CCDC85C: variants seen among roughly 807,000 people sequenced by gnomAD.
The protein encoded by CCDC85C is coiled-coil domain-containing protein 85C.
CCDC85C carries 18 observed loss-of-function variants against 38.3 expected under a neutral mutation model. The ratio of observed to expected loss-of-function variants is 0.47; its 90% CI spans 0.33 to 0.70. The LOEUF is 0.70. Ranked by LOEUF, CCDC85C falls within the 30% of genes least tolerant of loss-of-function variation. The pLI, the probability that CCDC85C is intolerant of heterozygous loss-of-function variation, is 0.03. For missense variants in CCDC85C, 566 were observed against 621.2 expected (o/e 0.91, Z 0.94); for synonymous variants, 264 against 293.8 (o/e 0.90, Z 1.04).
chr14:99,532,963 G>C (rs527454267), intron 2 of CCDC85C, among the ~76,000 whole-genome samples: 1 of 152,080 alleles, frequency 6.6e-6, no homozygotes, highest in East Asian at 1.9e-4. Context: ...TGTATTTTTA[G>C]TAGAGACGAG....
At position 99,502,956 on chromosome 14, in the gene CCDC85C, G is replaced by A. The variant is rs1896873456; in HGVS notation, c.*12290C>T. On this transcript the variant is annotated 3_prime_UTR_variant, in exon 6 of 6. Coordinates refer to ENST00000380243, the MANE Select transcript of CCDC85C (RefSeq NM_001144995.2). The stretch of plus-strand genomic sequence containing the variant: ...CCCAAGAAACCCTCTCCGCAGCCCA[G>A]TTCTCCCCGACAGGTTAAGCGAGCC... 1.2e-6 allele frequency: 2 copies of A among 1,613,930 alleles called. No individual in the cohort carries two copies. The highest frequency in any genetic ancestry group is 4.5e-5 in the East Asian group (2 of 44,862).
chr14:99,566,091 A>C (rs1248828693), intron 1 of CCDC85C, among the ~76,000 whole-genome samples: 1 of 152,204 alleles, frequency 6.6e-6, no homozygotes, highest in Non-Finnish European at 1.5e-5. Flanking sequence ...GTCACAGGAG[A>C]CTAGGGAAGG....
intron 1 of CCDC85C, among the ~76,000 whole-genome samples, chr14:99,547,702 A>G (rs1261291016): frequency 6.6e-6 from 1 of 151,792 alleles, no homozygotes; most frequent in African/African-American, 2.4e-5. Flanking sequence ...TGAACTCAGG[A>G]GGCGGAGGTT....
chr14:99,510,657 C>T lies in CCDC85C; in HGVS notation c.*4589G>A. On this transcript the variant is annotated 3_prime_UTR_variant, in exon 6 of 6. Coordinates refer to ENST00000380243, the MANE Select transcript of CCDC85C (RefSeq NM_001144995.2). ...CCCTCATCCTCCTCCAGGGTTGGGC[C>T]TGCCGCCAGCCAGCTACCCACCTCC... 18 of 1,414,460 alleles carry T rather than the reference C, an allele frequency of 1.3e-5. No individual in the cohort carries two copies. Among genetic ancestry groups the T allele is most frequent in the Non-Finnish European group, 1.7e-5 (18 of 1,085,440 alleles). The allele number at this position is 1,414,460 out of a possible 1,614,324, so 87.6% of individuals were successfully genotyped here. A position where few individuals can be genotyped will look rare whatever the true frequency, so the allele number is the denominator to read the frequency against.
At position 99,515,151 on chromosome 14, in the gene CCDC85C, CAG is replaced by C. The variant is rs545417219; in HGVS notation, c.*93_*94del. The stretch of plus-strand genomic sequence containing the variant: ...TACAGTTCACCACAGAGGAAGAAGA[CAG>C]GGGCTGGGCTGGAGGTCCTGCCCGT... On this transcript the variant is annotated 3_prime_UTR_variant, in exon 6 of 6. Transcript: ENST00000380243. 3.6e-4 allele frequency: 313 copies of C among 863,686 alleles called. 1 individual carries two copies. The highest frequency in any genetic ancestry group is 1.4e-3 in the African/African-American group (84 of 59,458). 53.5% of individuals were successfully genotyped at this position (863,686 alleles called of 1,614,324 possible).
chr14:99,525,569 G>T lies in CCDC85C; in HGVS notation c.868-3329C>A, dbSNP rs142530927. Among the ~76,000 whole-genome samples, 120 of 152,386 alleles carry T rather than the reference G, an allele frequency of 7.9e-4. 2 individuals carry two copies. In the East Asian group the frequency reaches 0.022, roughly 28 times the overall value. On this transcript the variant is annotated intron_variant, in intron 2 of 5. Transcript: ENST00000380243. Reference sequence around the variant, plus strand: ...GAGCTTTTGGGCCCTCAAATGTGCTGCATCGGTTATGTGTCCGAGAGGCAC... The same window carrying T: ...GAGCTTTTGGGCCCTCAAATGTGCTTCATCGGTTATGTGTCCGAGAGGCAC...
At chr14:99,543,948 C>G (rs1257242624) in intron 1 of CCDC85C, among the ~76,000 whole-genome samples, 1 of 152,238 alleles carries the variant, frequency 6.6e-6, no homozygotes, top group Non-Finnish European at 1.5e-5. Context: ...GCCGAGGCAG[C>G]TGGCTGCAAG....
At chr14:99,594,342 A>G (rs2055120641) in intron 1 of CCDC85C, among the ~76,000 whole-genome samples, 1 of 152,212 alleles carries the variant, frequency 6.6e-6, no homozygotes, top group South Asian at 2.1e-4. Context: ...AGAGGCAATC[A>G]GATAGGGGAG....
chr14:99,541,073 T>G (rs1897703295), intron 1 of CCDC85C, among the ~76,000 whole-genome samples: 1 of 152,174 alleles, frequency 6.6e-6, no homozygotes, highest in African/African-American at 2.4e-5. Context: ...CAGTAAGAAC[T>G]GGGGGGCCAG....
intron 1 of CCDC85C, among the ~76,000 whole-genome samples, chr14:99,537,392 G>GGACCACCATGCC (rs1897624843): frequency 6.6e-6 from 1 of 152,118 alleles, no homozygotes; most frequent in South Asian, 2.1e-4. Context: ...GGACAAGCCA[G>GGACCACCATGCC]GACCACCATG....
At chr14:99,526,910 G>A (rs1406054950) in intron 2 of CCDC85C, among the ~76,000 whole-genome samples, 1 of 152,054 alleles carries the variant, frequency 6.6e-6, no homozygotes, top group African/African-American at 2.4e-5. Context: ...GGGGCAGCTG[G>A]GGCCACAGAC....
In CCDC85C at chr14:99,511,794, C is replaced by G. The variant is rs946505407; in HGVS notation, c.*3452G>C. The G allele has an allele frequency of 1.3e-5, 2 of 152,582 alleles. No individual in the cohort carries two copies. Among genetic ancestry groups the G allele is most frequent in the Non-Finnish European group, 2.9e-5 (2 of 68,056 alleles). 9.5% of individuals were successfully genotyped at this position (152,582 alleles called of 1,614,324 possible). A position where few individuals can be genotyped will look rare whatever the true frequency, so the allele number is the denominator to read the frequency against. ...AGTTTGAAACTTTGAAGCCTTGCTG[C>G]GTAGAACGCACACAGGAACCCGGGG... On this transcript the variant is annotated 3_prime_UTR_variant, in exon 6 of 6. Transcript: ENST00000380243.
intron 2 of CCDC85C, chr14:99,534,991 C>T: frequency 2.3e-6 from 1 of 440,302 alleles, no homozygotes; most frequent in Non-Finnish European, 4.1e-6. Flanking sequence ...CCACCAGGCC[C>T]TGGGAACCTT....
At position 99,510,805 on chromosome 14, in the gene CCDC85C, G is replaced by GT. The variant is rs1897112130; in HGVS notation, c.*4440dup. ...TAACGTGAGCCTTTTTTCCCTCTTT[G>GT]TTTTTTTAACAAGATTTTCTAATCG... On this transcript the variant is annotated 3_prime_UTR_variant, in exon 6 of 6. Coordinates refer to ENST00000380243, the MANE Select transcript of CCDC85C (RefSeq NM_001144995.2). The GT allele has an allele frequency of 1.4e-6, 2 of 1,409,154 alleles. No homozygotes were observed. The highest frequency in any genetic ancestry group is 1.9e-6 in the Non-Finnish European group (2 of 1,080,930). The allele number at this position is 1,409,154 out of a possible 1,614,324, so 87.3% of individuals were successfully genotyped here. A position where few individuals can be genotyped will look rare whatever the true frequency, so the allele number is the denominator to read the frequency against.
At chr14:99,559,733 G>A (rs1208208616) in intron 1 of CCDC85C, among the ~76,000 whole-genome samples, 1 of 152,210 alleles carries the variant, frequency 6.6e-6, no homozygotes, top group Non-Finnish European at 1.5e-5. Context: ...CCCGCTTGCA[G>A]GGTTGTGATG....
intron 2 of CCDC85C, among the ~76,000 whole-genome samples, chr14:99,526,614 G>T (rs1897389725): frequency 6.6e-6 from 1 of 152,114 alleles, no homozygotes; most frequent in African/African-American, 2.4e-5. Flanking sequence ...TGGGGGCAAG[G>T]CCAGGGCCCA....
intron 1 of CCDC85C, among the ~76,000 whole-genome samples, chr14:99,599,222 C>T (rs1254525618): frequency 3.3e-5 from 5 of 152,154 alleles, no homozygotes; most frequent in Non-Finnish European, 7.3e-5. Flanking sequence ...AAACCTGTCT[C>T]ATTTTGAGAA....
chr14:99,571,670 T>C (rs1007171697), intron 1 of CCDC85C, among the ~76,000 whole-genome samples: 2 of 152,240 alleles, frequency 1.3e-5, no homozygotes, highest in African/African-American at 4.8e-5. Flanking sequence ...CAGTAAGATT[T>C]ACGATGCCAG....
At position 99,545,771 on chromosome 14, in the gene CCDC85C, C is replaced by A. The variant is rs1303809710; in HGVS notation, c.794-9683G>T. Among the ~76,000 whole-genome samples, 1 of 152,162 alleles carries A rather than the reference C, an allele frequency of 6.6e-6. No homozygotes were observed. The highest frequency in any genetic ancestry group is 1.5e-5 in the Non-Finnish European group (1 of 68,034). On this transcript the variant is annotated intron_variant, in intron 1 of 5. Transcript: ENST00000380243. This position sits in a 1 kb window ranked among gnomAD's most constrained non-coding sequence, Gnocchi z 4.7. ...GCATCAGGCTGAAAGGTACGCCCTC[C>A]TGGCTCCTTGGAGAGCTTTTAAAAT...
Sources: gnomAD v4.1 joint callset for allele counts (sites outside exome capture counted in the v4.1 genomes callset) on GRCh38, gnomAD v4.1.1 for gene constraint, Gnocchi (gnomAD v3.1) non-coding constraint, MANE v1.5 for transcripts, NCBI Gene and HGNC (gene_info 2026-07-23, HGNC 2026-07-21) for gene names.